Variants in MTHFD1L observed in about 807,000 individuals in gnomAD.
MTHFD1L encodes the protein methylenetetrahydrofolate dehydrogenase (NADP+ dependent) 1 like, also known as monofunctional C1-tetrahydrofolate synthase, mitochondrial.
Under a neutral mutation model 119.5 loss-of-function variants are expected in MTHFD1L, and 81 were observed. The ratio of observed to expected loss-of-function variants is 0.68; its 90% CI spans 0.57 to 0.82. The LOEUF (loss-of-function observed/expected upper bound fraction) is 0.82, where lower values mean the gene tolerates loss of function less well. Among genes scored for constraint, MTHFD1L ranks in the 40% least tolerant of loss-of-function variants. The pLI, the probability that MTHFD1L is intolerant of heterozygous loss-of-function variation, is 0.00. For synonymous variants in MTHFD1L, 430 were observed against 475.2 expected (o/e 0.90, Z 1.24); for missense variants, 1,125 against 1,253.4 (o/e 0.90, Z 1.55).
At chr6:151,003,189 C>A (rs940425402) in intron 20 of MTHFD1L, among the ~76,000 whole-genome samples, 1 of 151,986 alleles carries the variant, frequency 6.6e-6, no homozygotes, top group Non-Finnish European at 1.5e-5. Flanking sequence ...TTTGAAAGTA[C>A]CAAACAGAAT....
chr6:151,002,177 GTTGA>G (rs1780709898), intron 20 of MTHFD1L, among the ~76,000 whole-genome samples: 1 of 152,242 alleles, frequency 6.6e-6, no homozygotes, highest in African/African-American at 2.4e-5. Context: ...TATGTGATCA[GTTGA>G]TTGTTTGATG....
chr6:151,011,740 T>C lies in MTHFD1L; in HGVS notation c.2265+1782T>C, dbSNP rs1339040623. Among the ~76,000 whole-genome samples, 8 of 152,144 alleles carry C rather than the reference T, an allele frequency of 5.3e-5. No homozygotes were observed. The South Asian group carries it at 1.7e-3, about 32-fold the overall frequency. ...TCATGGTAACATGGAACAGGGTTAG[T>C]AGGCACAGATATGGGTGGAGGATAA... On this transcript the variant is annotated intron_variant, in intron 21 of 27. Coordinates refer to ENST00000367321, the MANE Select transcript of MTHFD1L (RefSeq NM_015440.5).
At chr6:150,960,100 G>A (rs1796218587) in intron 17 of MTHFD1L, among the ~76,000 whole-genome samples, 175 bp from the exon 18 acceptor site, 1 of 152,212 alleles carries the variant, frequency 6.6e-6, no homozygotes, top group Non-Finnish European at 1.5e-5. Flanking sequence ...GGAGCACCAG[G>A]CACAAACCCT....
chr6:151,093,212 G>A (rs1039728591), intron 27 of MTHFD1L, among the ~76,000 whole-genome samples: 1 of 152,104 alleles, frequency 6.6e-6, no homozygotes. Context: ...ACTCCCTGGC[G>A]TTCCCACCTT....
At chr6:150,968,764 C>G (rs9478874) in intron 19 of MTHFD1L, among the ~76,000 whole-genome samples, 28,787 of 150,880 alleles carry the variant, frequency 0.19, 2,862 homozygotes, top group Middle Eastern at 0.29. Context: ...GATCTGCCCG[C>G]CTGAGCCCCC....
At chr6:150,866,299 G>A (rs1188635941) in intron 1 of MTHFD1L, 11 of 1,473,894 alleles carry the variant, frequency 7.5e-6, no homozygotes, top group South Asian at 1.3e-5. Flanking sequence ...ATCTCCAATG[G>A]GCGCCTAGCG....
chr6:150,911,309 C>T (rs1181135498), intron 8 of MTHFD1L, among the ~76,000 whole-genome samples: 2 of 152,092 alleles, frequency 1.3e-5, no homozygotes, highest in African/African-American at 2.4e-5. Context: ...TCATGTCTTA[C>T]ATTGCATTCT....
Position 150,897,295 on chromosome 6 carries a change from C to T in MTHFD1L, c.781-8355C>T, listed in dbSNP as rs766424520. 8.9e-4 allele frequency among the ~76,000 whole-genome samples: 136 copies of T among 152,154 alleles called. 2 individuals are homozygous for T. Among genetic ancestry groups the T allele is most frequent in the Non-Finnish European group, 2.6e-4 (18 of 68,030 alleles). On this transcript the variant is annotated intron_variant, in intron 7 of 27. Transcript: ENST00000367321. Reference sequence around the variant, plus strand: ...CTCCAGTTTTCCCAACATTACCTCCCTTTTATGATGCCCTTCCTGTACCTT... The same window carrying T: ...CTCCAGTTTTCCCAACATTACCTCCTTTTTATGATGCCCTTCCTGTACCTT...
At chr6:150,984,519 A>T (rs1284787490) in intron 20 of MTHFD1L, among the ~76,000 whole-genome samples, 3 of 151,474 alleles carry the variant, frequency 2.0e-5, no homozygotes, top group Non-Finnish European at 4.4e-5. Flanking sequence ...AGCTGTTAGA[A>T]GTCAGTGCTT....
chr6:151,050,631 G>A (rs1788872697), intron 26 of MTHFD1L, among the ~76,000 whole-genome samples: 1 of 152,110 alleles, frequency 6.6e-6, no homozygotes, highest in Admixed American at 6.5e-5. Context: ...TATGGTGGGG[G>A]GCACTCGGCC....
At chr6:150,977,558 A>G (rs919521215) in intron 20 of MTHFD1L, among the ~76,000 whole-genome samples, 5 of 152,262 alleles carry the variant, frequency 3.3e-5, no homozygotes, top group African/African-American at 1.2e-4. Context: ...ACATTTAAAA[A>G]ATAAAGCAAA....
chr6:150,940,966 A>T (rs953620349), intron 13 of MTHFD1L, among the ~76,000 whole-genome samples: 1 of 152,170 alleles, frequency 6.6e-6, no homozygotes, highest in Non-Finnish European at 1.5e-5. Context: ...TCTTTTCTTC[A>T]TCTGTATCCT....
chr6:151,096,525 T>A (rs1258475821), intron 27 of MTHFD1L, among the ~76,000 whole-genome samples: 1 of 152,188 alleles, frequency 6.6e-6, no homozygotes, highest in Non-Finnish European at 1.5e-5. Flanking sequence ...ACTATAGCCA[T>A]CAGGGACCAC....
At chr6:150,873,347 T>C (rs1408603889) in intron 1 of MTHFD1L, among the ~76,000 whole-genome samples, 1 of 152,130 alleles carries the variant, frequency 6.6e-6, no homozygotes, top group African/African-American at 2.4e-5. Flanking sequence ...TTTCATCAAC[T>C]ATGAATGGAT....
At chr6:151,041,415 G>A (rs1273966072) in intron 26 of MTHFD1L, among the ~76,000 whole-genome samples, 2 of 152,176 alleles carry the variant, frequency 1.3e-5, no homozygotes, top group Non-Finnish European at 2.9e-5. Context: ...GGACACCAGG[G>A]GGACTGGCTC....
intron 7 of MTHFD1L, among the ~76,000 whole-genome samples, chr6:150,890,747 TAAGGA>T (rs1356896097): frequency 1.3e-5 from 2 of 151,722 alleles, no homozygotes; most frequent in African/African-American, 4.8e-5. Flanking sequence ...TCTAGAACAG[TAAGGA>T]AAGGAAAGAA....
At chr6:151,000,157 T>G (rs1435534446) in intron 20 of MTHFD1L, among the ~76,000 whole-genome samples, 1 of 152,070 alleles carries the variant, frequency 6.6e-6, no homozygotes, top group African/African-American at 2.4e-5. Flanking sequence ...GGCCACATGG[T>G]GAAACCCCGT....
chr6:151,084,983 AAAT>A (rs1430181279), intron 26 of MTHFD1L, among the ~76,000 whole-genome samples: 5,015 of 100,506 alleles, frequency 0.05, 108 homozygotes, highest in East Asian at 0.14. Context: ...AAAAAAAAAA[AAAT>A]ATATATATAT....
In MTHFD1L at chr6:151,029,438, A is replaced by AAT. The variant is rs938795946; in HGVS notation, c.2587-5045_2587-5044dup. Among the ~76,000 whole-genome samples, 6 of 151,114 alleles carry AAT rather than the reference A, an allele frequency of 4.0e-5. No homozygotes were observed. The East Asian group carries it at 5.8e-4, about 15-fold the overall frequency. ...CTCTGTCTCAAATAAATAAATAAAT[A>AAT]ATATATATATACATATTATATAGAT... On this transcript the variant is annotated intron_variant, in intron 24 of 27. Coordinates refer to ENST00000367321, the MANE Select transcript of MTHFD1L (RefSeq NM_015440.5).
Sources: allele counts gnomAD v4.1 joint callset (sites outside exome capture counted in the v4.1 genomes callset), GRCh38; gene constraint gnomAD v4.1.1; transcripts MANE v1.5; gene names NCBI Gene and HGNC (gene_info 2026-07-23, HGNC 2026-07-21).